Variants in DMRT1 observed in about 807,000 individuals in gnomAD.
DMRT1 encodes doublesex- and mab-3-related transcription factor 1.
In DMRT1, 7 loss-of-function variants were observed where a neutral mutation model predicts 32.3. That is an observed-to-expected ratio of 0.22 (90% CI 0.12 to 0.41). DMRT1 has a LOEUF of 0.41. Among genes scored for constraint, DMRT1 ranks in the 10% least tolerant of loss-of-function variants. The pLI is 1.00. For synonymous variants in DMRT1, 278 were observed against 206.1 expected, an observed-to-expected ratio of 1.35 and a Z score of -2.99; for missense variants, 625 against 500.5, an observed-to-expected ratio of 1.25 and a Z score of -2.37.
chr9:847,523 A>G (rs1032974770), intron 2 of DMRT1, among the ~76,000 whole-genome samples: 2 of 152,198 alleles, frequency 1.3e-5, no homozygotes, highest in African/African-American at 4.8e-5. Flanking sequence ...CATTTGGGGA[A>G]AGTGTCTAGA....
chr9:878,833 G>C (rs1816616787), intron 2 of DMRT1, among the ~76,000 whole-genome samples: 1 of 152,136 alleles, frequency 6.6e-6, no homozygotes, highest in Non-Finnish European at 1.5e-5. Flanking sequence ...TTCTCAAGTA[G>C]TAGTAGTATT....
rs866437788 is a variant in DMRT1, at chr9:891,537, C to T, written c.539-2375C>T. 1.8e-4 allele frequency among the ~76,000 whole-genome samples: 26 copies of T among 147,820 alleles called. No homozygotes were observed. The South Asian group carries it at 3.0e-3, about 17-fold the overall frequency. The stretch of plus-strand genomic sequence containing the variant: ...TACTTTTTTTTTTTTTTCTCCCAGA[C>T]GGAGTCTTGCTCTGTCGCCCAGGCT... On this transcript the variant is annotated intron_variant, in intron 2 of 4. Coordinates refer to ENST00000382276, the MANE Select transcript of DMRT1 (RefSeq NM_021951.3).
chr9:924,088 T>TTTTTCC lies in DMRT1; in HGVS notation c.967+7181_967+7182insTTTTCC, dbSNP rs71327361. On this transcript the variant is annotated intron_variant, in intron 4 of 4. Transcript: ENST00000382276. ...TCAATCTCTTTTTTTTTTTTTTTTT[T>TTTTTCC]CCACCTGGAGTCTCTCTCTGTCTCC... Among the ~76,000 whole-genome samples, 18 of 144,316 alleles carry TTTTTCC rather than the reference T, an allele frequency of 1.2e-4. 1 individual carries two copies. Among genetic ancestry groups the TTTTTCC allele is most frequent in the African/African-American group, 2.8e-4 (11 of 39,324 alleles). 94.7% of individuals were successfully genotyped at this position (144,316 alleles called of 152,430 possible).
intron 2 of DMRT1, among the ~76,000 whole-genome samples, chr9:886,413 C>T (rs902803604): frequency 6.6e-6 from 1 of 152,156 alleles, no homozygotes; most frequent in Non-Finnish European, 1.5e-5. Flanking sequence ...GGGCCAGATA[C>T]ACGCCCGGCT....
chr9:956,952 C>CT (rs554485523), intron 4 of DMRT1, among the ~76,000 whole-genome samples: 2 of 152,142 alleles, frequency 1.3e-5, no homozygotes, highest in South Asian at 4.2e-4. Flanking sequence ...TTTGTTTTCC[C>CT]TTTAATTTTT....
At chr9:911,364 A>G (rs777538846) in intron 3 of DMRT1, among the ~76,000 whole-genome samples, 65 of 151,716 alleles carry the variant, frequency 4.3e-4, no homozygotes, top group Non-Finnish European at 7.2e-4. Flanking sequence ...CATTTTGTTT[A>G]AGCCAAAAGT....
intron 4 of DMRT1, among the ~76,000 whole-genome samples, chr9:929,299 G>GT (rs1218004023): frequency 1.3e-5 from 2 of 151,780 alleles, no homozygotes; most frequent in South Asian, 2.1e-4. Context: ...GGTGGTTTCA[G>GT]TTTTTTTCTT....
chr9:857,848 T>A (rs1162215331), intron 2 of DMRT1, among the ~76,000 whole-genome samples: 1 of 144,282 alleles, frequency 6.9e-6, no homozygotes, highest in Non-Finnish European at 1.5e-5. Flanking sequence ...CATTGTTCGA[T>A]TCCCACCTAT....
Position 841,886 on chromosome 9 carries a change from C to T in DMRT1, c.48C>T (p.Ala16=). 6.2e-7 allele frequency: 1 copy of T among 1,612,138 alleles called. No individual in the cohort carries two copies. Among genetic ancestry groups the T allele is most frequent in the East Asian group, 2.2e-5 (1 of 44,828 alleles). The change falls in exon 1 of 5, where the codon GCC becomes GCT. Residue 16 remains alanine (A), a synonymous_variant. Transcript: ENST00000382276. ...AFSKPSTPSE[A]PHAPGVPPQG... Reference sequence around the variant, plus strand: ...GCAAGCCCTCTACACCGTCGGAAGCCCCTCACGCCCCCGGGGTACCGCCGC... The same window carrying T: ...GCAAGCCCTCTACACCGTCGGAAGCTCCTCACGCCCCCGGGGTACCGCCGC...
At chr9:851,736 G>A (rs1210017900) in intron 2 of DMRT1, among the ~76,000 whole-genome samples, 1 of 152,140 alleles carries the variant, frequency 6.6e-6, no homozygotes, top group Non-Finnish European at 1.5e-5. Context: ...TATATTAGAA[G>A]AAAATCTCTA....
intron 4 of DMRT1, among the ~76,000 whole-genome samples, chr9:964,690 C>G (rs1211711692): frequency 6.6e-6 from 1 of 152,174 alleles, no homozygotes; most frequent in Non-Finnish European, 1.5e-5. Context: ...AGCACAAGAG[C>G]AGTACACTAA....
In DMRT1 at chr9:882,891, C is replaced by T. The variant is rs540934182; in HGVS notation, c.539-11021C>T. Among the ~76,000 whole-genome samples the T allele has an allele frequency of 2.6e-4, 39 of 151,750 alleles. 1 individual carries two copies. In the East Asian group the frequency reaches 7.6e-3, roughly 30 times the overall value. The stretch of plus-strand genomic sequence containing the variant: ...GGTTCAAGTGATTCTTCTGCCTCAG[C>T]CTCCCCAGTAGCTGGGATTACAGGT... On this transcript the variant is annotated intron_variant, in intron 2 of 4. Transcript: ENST00000382276.
At chr9:895,969 T>C (rs1219530053) in intron 3 of DMRT1, among the ~76,000 whole-genome samples, 1 of 151,690 alleles carries the variant, frequency 6.6e-6, no homozygotes, top group Non-Finnish European at 1.5e-5. Flanking sequence ...CAAGCCCAGC[T>C]AATTTTTGTA....
intron 2 of DMRT1, among the ~76,000 whole-genome samples, chr9:864,499 C>CTT (rs57418212): frequency 0.64 from 69,046 of 108,674 alleles, 23,833 homozygotes; most frequent in Non-Finnish European, 0.74. Context: ...AGCCAGTACT[C>CTT]TTTTTTTTTT....
chr9:896,343 A>C lies in DMRT1; in HGVS notation c.822+2148A>C, dbSNP rs141157921. ...TCACTCTGTCGCCCAGGCTGGTGCG[A>C]TCTTGGCTCACTGCAACCTCCACCT... On this transcript the variant is annotated intron_variant, in intron 3 of 4. Transcript: ENST00000382276. Among the ~76,000 whole-genome samples the C allele has an allele frequency of 7.2e-3, 891 of 124,612 alleles. 16 individuals carry two copies. The highest frequency in any genetic ancestry group is 0.027 in the African/African-American group (858 of 31,706). 81.8% of individuals were successfully genotyped at this position (124,612 alleles called of 152,430 possible). A position where few individuals can be genotyped will look rare whatever the true frequency, so the allele number is the denominator to read the frequency against.
intron 4 of DMRT1, among the ~76,000 whole-genome samples, chr9:943,036 T>C (rs1819127913): frequency 6.6e-6 from 1 of 152,016 alleles, no homozygotes; most frequent in South Asian, 2.1e-4. Flanking sequence ...AGGATATCTG[T>C]GTCTTAGTTT....
chr9:912,580 A>T (rs181877893), intron 3 of DMRT1, among the ~76,000 whole-genome samples: 321 of 152,358 alleles, frequency 2.1e-3, no homozygotes, highest in African/African-American at 7.4e-3. Context: ...ATTTTCCAGT[A>T]AGCGTTAGTT....
At chr9:856,590 G>A (rs117741284) in intron 2 of DMRT1, among the ~76,000 whole-genome samples, 4,062 of 152,228 alleles carry the variant, frequency 0.027, 73 homozygotes, top group Non-Finnish European at 0.04. Context: ...CTTTATATTA[G>A]TAATATTTCA....
chr9:889,089 A>C (rs529106733), intron 2 of DMRT1, among the ~76,000 whole-genome samples: 2 of 152,240 alleles, frequency 1.3e-5, no homozygotes, highest in East Asian at 3.9e-4. Context: ...TTACGTTCCC[A>C]GGTAATGCTG....
Sources: gnomAD v4.1 joint callset for allele counts (sites outside exome capture counted in the v4.1 genomes callset) on GRCh38, gnomAD v4.1.1 for gene constraint, MANE v1.5 for transcripts, NCBI Gene and HGNC (gene_info 2026-07-23, HGNC 2026-07-21) for gene names.